Variants in PTPRN2 observed in about 807,000 individuals in gnomAD.
PTPRN2 encodes the protein receptor-type tyrosine-protein phosphatase N2.
In PTPRN2, 74 loss-of-function variants were observed where a neutral mutation model predicts 118.8. That is an observed-to-expected ratio of 0.62 (90% CI 0.52 to 0.76). The LOEUF is 0.76. Ranked by LOEUF, PTPRN2 falls within the 30% of genes least tolerant of loss-of-function variation. The probability of loss-of-function intolerance (pLI) is 0.00; values close to 1 mark genes in which losing one functional copy is unlikely to be tolerated. For missense variants in PTPRN2, 1,481 were observed against 1,394.4 expected (o/e 1.06, Z -0.99); for synonymous variants, 641 against 608.0 (o/e 1.05, Z -0.80).
intron 11 of PTPRN2, among the ~76,000 whole-genome samples, chr7:157,935,923 T>A (rs1185386662): frequency 6.9e-6 from 1 of 144,750 alleles, no homozygotes; most frequent in Non-Finnish European, 1.5e-5. Flanking sequence ...GGTCTAGCCA[T>A]CCTCAGCATC....
intron 13 of PTPRN2, among the ~76,000 whole-genome samples, chr7:157,680,130 CAAT>C (rs2150803388): frequency 6.6e-6 from 1 of 152,314 alleles, no homozygotes; most frequent in South Asian, 2.1e-4. Context: ...CTACCTTGCA[CAAT>C]AATCTTTTTA....
chr7:158,041,481 T>C (rs1414311970), intron 11 of PTPRN2, among the ~76,000 whole-genome samples: 1 of 151,824 alleles, frequency 6.6e-6, no homozygotes, highest in Admixed American at 6.6e-5. Flanking sequence ...CCACTAAAAA[T>C]ACAAAAATTA....
At chr7:158,276,393 T>TAAGGC (rs1203141515) in intron 3 of PTPRN2, among the ~76,000 whole-genome samples, 3 of 8,586 alleles carry the variant, frequency 3.5e-4, no homozygotes, top group Admixed American at 1.2e-3. Flanking sequence ...CAACAGGCTG[T>TAAGGC]ATCACCCCCC....
At chr7:158,447,147 G>A (rs908721982) in intron 2 of PTPRN2, among the ~76,000 whole-genome samples, 1 of 152,090 alleles carries the variant, frequency 6.6e-6, no homozygotes, top group African/African-American at 2.4e-5. Context: ...CCCAAGCAAG[G>A]ACAGAGCCAT....
intron 21 of PTPRN2, among the ~76,000 whole-genome samples, chr7:157,553,475 C>T (rs558252590): frequency 2.0e-5 from 3 of 152,266 alleles, no homozygotes; most frequent in South Asian, 4.1e-4. Flanking sequence ...CCCAGAGTGG[C>T]GTCGTCGTCC....
At chr7:158,340,862 G>C (rs1382178471) in intron 2 of PTPRN2, among the ~76,000 whole-genome samples, 1 of 87,026 alleles carries the variant, frequency 1.1e-5, no homozygotes, top group Non-Finnish European at 2.5e-5. Context: ...ACATGCAGAC[G>C]TCACTCACAC....
chr7:157,798,225 C>T (rs1804997315), intron 12 of PTPRN2, among the ~76,000 whole-genome samples: 1 of 152,132 alleles, frequency 6.6e-6, no homozygotes, highest in South Asian at 2.1e-4. Context: ...TGCCACTGCA[C>T]TCCAGCCTCG....
At chr7:157,992,752 C>T (rs1303050464) in intron 11 of PTPRN2, among the ~76,000 whole-genome samples, 1 of 152,212 alleles carries the variant, frequency 6.6e-6, no homozygotes, top group Non-Finnish European at 1.5e-5. Context: ...CACAGGACAG[C>T]CGAGCTTGTG....
At chr7:157,566,518 C>A (rs1799491455) in intron 21 of PTPRN2, among the ~76,000 whole-genome samples, 1 of 152,168 alleles carries the variant, frequency 6.6e-6, no homozygotes, top group African/African-American at 2.4e-5. Context: ...GGCCTGGGAC[C>A]CGGGTCAGGG....
intron 18 of PTPRN2, among the ~76,000 whole-genome samples, chr7:157,577,352 C>T (rs953950891): frequency 1.3e-5 from 2 of 152,198 alleles, no homozygotes; most frequent in African/African-American, 4.8e-5. Context: ...GAGCCTCTAA[C>T]TCGCTTCCTG....
chr7:157,678,414 C>T (rs1796768602), intron 13 of PTPRN2, among the ~76,000 whole-genome samples: 1 of 152,166 alleles, frequency 6.6e-6, no homozygotes. Context: ...ATTAAACTCA[C>T]CTAGAGAAAG....
intron 10 of PTPRN2, among the ~76,000 whole-genome samples, chr7:158,089,561 CTT>C (rs1491587619): frequency 1.4e-4 from 18 of 126,460 alleles, no homozygotes; most frequent in Admixed American, 3.1e-4. Flanking sequence ...TCACACAAAC[CTT>C]CTTCCCCTGA....
chr7:158,117,884 G>C (rs1211817977), intron 9 of PTPRN2, among the ~76,000 whole-genome samples: 1 of 152,180 alleles, frequency 6.6e-6, no homozygotes, highest in African/African-American at 2.4e-5. Flanking sequence ...AGCTGAGAGA[G>C]TTTGTTATCA....
chr7:157,888,907 C>T (rs1332928992), intron 12 of PTPRN2, among the ~76,000 whole-genome samples: 1 of 152,096 alleles, frequency 6.6e-6, no homozygotes, highest in Non-Finnish European at 1.5e-5. Flanking sequence ...CACATTGTTC[C>T]AATATCAATC....
rs759051817 is a variant in PTPRN2, at chr7:158,024,218, C to T, written c.1723+57080G>A. On this transcript the variant is annotated intron_variant, in intron 11 of 22. Transcript: ENST00000389418. ...GCAAAGCTCTAGAGCGGTGAGGTTC[C>T]GAGTCCTCACTGCTATTCAGCACTT... 3.3e-5 allele frequency among the ~76,000 whole-genome samples: 5 copies of T among 152,142 alleles called. No homozygotes were observed. In the South Asian group the frequency reaches 6.2e-4, roughly 19 times the overall value.
At chr7:158,567,166 C>T (rs193039556) in intron 1 of PTPRN2, among the ~76,000 whole-genome samples, 2 of 152,326 alleles carry the variant, frequency 1.3e-5, no homozygotes, top group Admixed American at 6.5e-5. Context: ...TCACAAGTCC[C>T]CATTAACATA....
At chr7:157,782,649 G>A (rs749068111) in intron 12 of PTPRN2, among the ~76,000 whole-genome samples, 4 of 152,216 alleles carry the variant, frequency 2.6e-5, no homozygotes, top group Non-Finnish European at 5.9e-5. Context: ...GTCCCTGAAA[G>A]AACGACGAGT....
chr7:158,585,884 G>A (rs56080213), intron 1 of PTPRN2, among the ~76,000 whole-genome samples: 29,719 of 152,214 alleles, frequency 0.2, 3,612 homozygotes, highest in South Asian at 0.38. Flanking sequence ...TAAGGTGACT[G>A]GCCAGGTCAA....
chr7:157,683,096 G>A (rs1006349133), intron 12 of PTPRN2, among the ~76,000 whole-genome samples, 159 bp from the exon 13 acceptor site: 8 of 152,354 alleles, frequency 5.3e-5, no homozygotes, highest in African/African-American at 1.9e-4. Flanking sequence ...AACAACCCCC[G>A]TCAAAGGAGA....
Sources: allele counts gnomAD v4.1 joint callset (sites outside exome capture counted in the v4.1 genomes callset), GRCh38; gene constraint gnomAD v4.1.1; transcripts MANE v1.5; gene names NCBI Gene and HGNC (gene_info 2026-07-23, HGNC 2026-07-21).